RUVBL1: variants seen among roughly 807,000 people sequenced by gnomAD.
RUVBL1 encodes the protein RuvB like AAA ATPase 1.
In RUVBL1, 4 loss-of-function variants were observed where a neutral mutation model predicts 52.4. The observed-to-expected ratio is 0.08, with a 90% CI of 0.04 to 0.17. RUVBL1 has a LOEUF of 0.17. Ranked by LOEUF, RUVBL1 falls within the 10% of genes least tolerant of loss-of-function variation. The probability of loss-of-function intolerance (pLI) is 1.00; values close to 1 mark genes in which losing one functional copy is unlikely to be tolerated. For synonymous variants in RUVBL1, 217 were observed against 214.4 expected (o/e 1.01, Z -0.10); for missense variants, 298 against 572.8 (o/e 0.52, Z 4.90).
chr3:128,102,062 CAT>C (rs1444165293), intron 4 of RUVBL1, among the ~76,000 whole-genome samples: 1 of 152,244 alleles, frequency 6.6e-6, no homozygotes, highest in Non-Finnish European at 1.5e-5. Flanking sequence ...CTCTTGAAAT[CAT>C]CATCCCTACT....
At chr3:128,129,151 T>C (rs1386547181) in intron 1 of RUVBL1, among the ~76,000 whole-genome samples, 1 of 152,290 alleles carries the variant, frequency 6.6e-6, no homozygotes, top group East Asian at 1.9e-4. Context: ...GAATCTGCTA[T>C]CTCAAAAGTC....
chr3:128,106,045 GT>G (rs907676210), intron 3 of RUVBL1, among the ~76,000 whole-genome samples: 1 of 151,490 alleles, frequency 6.6e-6, no homozygotes, highest in East Asian at 1.9e-4. Context: ...AATTTTTGGG[GT>G]TTTTTTGTAC....
chr3:128,145,032 G>T (rs969548239), intron 1 of RUVBL1, among the ~76,000 whole-genome samples: 2 of 152,180 alleles, frequency 1.3e-5, no homozygotes, highest in African/African-American at 4.8e-5. Flanking sequence ...CAACTCAGAG[G>T]AAGGAGGAAC....
At chr3:128,064,920 G>A (rs201041790) in exon 10 of RUVBL1, 5 of 1,613,702 alleles carry the variant, frequency 3.1e-6, no homozygotes, top group African/African-American at 1.3e-5. Flanking sequence ...TCCATCTGCT[G>A]GCCACACGCA....
chr3:128,069,549 G>A lies in RUVBL1; in HGVS notation c.940-4329C>T, dbSNP rs752943775. On this transcript the variant is annotated intron_variant, in intron 9 of 9. Transcript: ENST00000464873. ...CTCGGTCCTGGCTGACTTCCTAGGCGCCATTGGGTCTGGAACCGGGATCCT... is the reference window on the plus strand; with the variant it reads ...CTCGGTCCTGGCTGACTTCCTAGGCACCATTGGGTCTGGAACCGGGATCCT... 3.1e-6 allele frequency: 5 copies of A among 1,613,986 alleles called. No individual in the cohort carries two copies. Among genetic ancestry groups the A allele is most frequent in the Admixed American group, 1.7e-5 (1 of 60,000 alleles).
chr3:128,086,942 G>A (rs1488110449), intron 9 of RUVBL1, among the ~76,000 whole-genome samples: 3 of 152,240 alleles, frequency 2.0e-5, no homozygotes, highest in Non-Finnish European at 4.4e-5. Context: ...TGCACGGTGT[G>A]CCAGCCACTG....
At chr3:128,134,044 CAA>C (rs1943916145) in intron 1 of RUVBL1, among the ~76,000 whole-genome samples, 1 of 151,996 alleles carries the variant, frequency 6.6e-6, no homozygotes, top group Non-Finnish European at 1.5e-5. Flanking sequence ...ATAAATTTAA[CAA>C]AGAGATTGAA....
chr3:128,075,053 CTTTTT>C (rs796835356), intron 9 of RUVBL1: 4 of 151,050 alleles, frequency 2.6e-5, no homozygotes, highest in Non-Finnish European at 5.9e-5. Context: ...ACCTGCAATC[CTTTTT>C]TTTTATTCCC....
At position 128,119,568 on chromosome 3, in the gene RUVBL1, G is replaced by A. The variant is rs528650922; in HGVS notation, c.142-154C>T. 9.2e-5 allele frequency among the ~76,000 whole-genome samples: 14 copies of A among 152,342 alleles called. No individual in the cohort carries two copies. The East Asian group carries it at 1.2e-3, about 13-fold the overall frequency. On this transcript the variant is annotated intron_variant, in intron 1 of 10. Coordinates refer to ENST00000322623, the MANE Select transcript of RUVBL1 (RefSeq NM_003707.3). ...CACTGTTCTAGGTGCCGAGGGTAAC[G>A]AAGGCAAGGCAGAAAAGCCTTGTAC...
chr3:128,142,356 T>C (rs1183437719), intron 1 of RUVBL1, among the ~76,000 whole-genome samples: 1 of 152,112 alleles, frequency 6.6e-6, no homozygotes, highest in Admixed American at 6.5e-5. Flanking sequence ...AACTGTCAAA[T>C]TGTGGTCCTG....
chr3:128,135,178 G>A (rs924815995), intron 1 of RUVBL1, among the ~76,000 whole-genome samples: 18 of 152,158 alleles, frequency 1.2e-4, no homozygotes, highest in African/African-American at 4.3e-4. Flanking sequence ...CAATATATCT[G>A]GCAGCAGACT....
intron 4 of RUVBL1, among the ~76,000 whole-genome samples, chr3:128,102,489 T>C (rs1350946222): frequency 6.6e-6 from 1 of 152,362 alleles, no homozygotes; most frequent in Non-Finnish European, 1.5e-5. Context: ...TTCATGGAGA[T>C]CTATGTTATA....
At chr3:128,124,065 G>A (rs1943727409), upstream of RUVBL1, among the ~76,000 whole-genome samples, 1 of 152,166 alleles carries the variant, frequency 6.6e-6, no homozygotes. Flanking sequence ...GTGGCCCCCG[G>A]GTACCACTCC....
chr3:128,080,230 T>C (rs1038200461), downstream of RUVBL1, among the ~76,000 whole-genome samples: 5 of 152,220 alleles, frequency 3.3e-5, no homozygotes, highest in African/African-American at 1.2e-4. Context: ...CTGGCTCAAT[T>C]TGAGCAACAA....
At chr3:128,091,835 T>C (rs1942849364) in intron 8 of RUVBL1, among the ~76,000 whole-genome samples, 1 of 152,210 alleles carries the variant, frequency 6.6e-6, no homozygotes, top group African/African-American at 2.4e-5. Flanking sequence ...TCTCCAGACA[T>C]TGCTACATGT....
Position 128,121,731 on chromosome 3 carries a change from A to AAAAC in RUVBL1, c.141+1849_141+1852dup, listed in dbSNP as rs1553730097. On this transcript the variant is annotated intron_variant, in intron 1 of 10. Coordinates refer to ENST00000322623, the MANE Select transcript of RUVBL1 (RefSeq NM_003707.3). ...GTCTCAAAAAAAAAAAAAAAAAAAAAAAACTACTATGGTCTTTCCACACAA... is the reference window on the plus strand; with the variant it reads ...GTCTCAAAAAAAAAAAAAAAAAAAAAAAACAAACTACTATGGTCTTTCCACACAA... Among the ~76,000 whole-genome samples the AAAAC allele has an allele frequency of 2.6e-4, 36 of 140,462 alleles. 6 individuals carry two copies. The highest frequency in any genetic ancestry group is 2.1e-4 in the Non-Finnish European group (14 of 65,178). The allele number at this position is 140,462 out of a possible 152,430, so 92.1% of individuals were successfully genotyped here.
chr3:128,111,219 C>CAA (rs11289688), intron 3 of RUVBL1, among the ~76,000 whole-genome samples: 1 of 128,612 alleles, frequency 7.8e-6, no homozygotes, highest in South Asian at 2.5e-4. Flanking sequence ...GACTCTCTCT[C>CAA]AAAAAAAAAA....
chr3:128,153,412 C>G, exon 1 of RUVBL1: 1 of 1,416,114 alleles, frequency 7.1e-7, no homozygotes, highest in South Asian at 1.5e-5. Context: ...GCACAGCGCG[C>G]CGGTTACGGG....
upstream of RUVBL1, among the ~76,000 whole-genome samples, chr3:128,128,002 T>TAATA (rs1340404295): frequency 6.0e-3 from 850 of 142,492 alleles, 10 homozygotes; most frequent in African/African-American, 0.021. Flanking sequence ...GTCTCAAAAA[T>TAATA]AATAAATACA....
Sources: allele counts gnomAD v4.1 joint callset (sites outside exome capture counted in the v4.1 genomes callset), GRCh38; gene constraint gnomAD v4.1.1; transcripts MANE v1.5; gene names NCBI Gene and HGNC (gene_info 2026-07-23, HGNC 2026-07-21).